The following SHPRH variants were observed in gnomAD, a reference collection of about 807,000 sequenced individuals.
SHPRH encodes the protein E3 ubiquitin-protein ligase SHPRH.
SHPRH carries 106 observed loss-of-function variants against 202.5 expected under a neutral mutation model. That is an observed-to-expected ratio of 0.52 (90% CI 0.45 to 0.62). The LOEUF (loss-of-function observed/expected upper bound fraction) is 0.62, where lower values mean the gene tolerates loss of function less well. Among genes scored for constraint, SHPRH ranks in the 20% least tolerant of loss-of-function variants. The probability of loss-of-function intolerance (pLI) is 0.00; values close to 1 mark genes in which losing one functional copy is unlikely to be tolerated. For missense variants in SHPRH, 1,710 were observed against 2,020.0 expected (o/e 0.85, Z 2.94); for synonymous variants, 729 against 686.0 (o/e 1.06, Z -0.98).
At chr6:145,932,510 TGTGTGTGTGTGGGAGG>T (rs2128764063) in intron 14 of SHPRH, among the ~76,000 whole-genome samples, 1 of 151,822 alleles carries the variant, frequency 6.6e-6, no homozygotes, top group Non-Finnish European at 1.5e-5. Context: ...ATACGTTCTG[TGTGTGTGTGTGGGAGG>T]GTGTGTGTGT....
chr6:145,866,093 A>C (rs1779768717), intron 2 of SHPRH, among the ~76,000 whole-genome samples: 1 of 152,262 alleles, frequency 6.6e-6, no homozygotes, highest in Non-Finnish European at 1.5e-5. Flanking sequence ...GTGCACCACA[A>C]GCTCTATTGA....
At chr6:145,954,459 G>A (rs1257779690) in intron 2 of SHPRH, among the ~76,000 whole-genome samples, 4 of 152,124 alleles carry the variant, frequency 2.6e-5, no homozygotes, top group Non-Finnish European at 2.9e-5. Context: ...AACTGATGAT[G>A]AGGACCAAAA....
chr6:145,934,709 CA>C (rs1218398874), intron 13 of SHPRH, among the ~76,000 whole-genome samples, 197 bp downstream of exon 13: 1 of 151,402 alleles, frequency 6.6e-6, no homozygotes, highest in Admixed American at 6.6e-5. Flanking sequence ...ATACCCACTG[CA>C]AAAGAGAAAT....
intron 28 of SHPRH, among the ~76,000 whole-genome samples, chr6:145,891,950 T>A (rs1214699921): frequency 6.6e-6 from 1 of 152,188 alleles, no homozygotes; most frequent in Non-Finnish European, 1.5e-5. Context: ...ATGACTGCAT[T>A]TTAAATGCCA....
intron 20 of SHPRH, 86 bp downstream of exon 20, chr6:145,922,200 G>A (rs201041703): frequency 5.3e-6 from 6 of 1,142,348 alleles, no homozygotes; most frequent in Non-Finnish European, 7.5e-6. Context: ...GGTTACTGTG[G>A]GGGAAAACAT....
In SHPRH at chr6:145,952,345, T is replaced by C; in HGVS notation, c.763+4A>G. The stretch of plus-strand genomic sequence containing the variant: ...GCAATTTTTAAGTTTACTGTAAATA[T>C]TACCTGGAATAATAGAATTGTGTAA... On this transcript the variant is annotated splice_donor_region_variant and intron_variant, in intron 3 of 29. Coordinates refer to ENST00000275233, the MANE Select transcript of SHPRH (RefSeq NM_001042683.3). 1 of 1,589,160 alleles carries C rather than the reference T, an allele frequency of 6.3e-7. No homozygotes were observed. Among genetic ancestry groups the C allele is most frequent in the South Asian group, 1.2e-5 (1 of 85,342 alleles).
In SHPRH at chr6:145,923,730, G is replaced by A; in HGVS notation, c.3458C>T (p.Thr1153Ile). 2.5e-6 allele frequency: 4 copies of A among 1,611,878 alleles called. No individual in the cohort carries two copies. The highest frequency in any genetic ancestry group is 3.4e-6 in the Non-Finnish European group (4 of 1,178,680). Residue 1153 changes from threonine to isoleucine, a missense_variant, in exon 18 of 30, where the codon ACT becomes ATT. Thr to Ile is a moderately conservative substitution (Grantham distance 89, BLOSUM62 -1). Transcript: ENST00000275233. ...TCGCTGAACTAGCTCCTCATCAATA[G>A]TAAATTCTATTGCTCTGTGGATCAC... ...LNVIHRAIEF[T>I]IDEELVQRVR...
intron 24 of SHPRH, among the ~76,000 whole-genome samples, chr6:145,912,089 A>C (rs1277733526): frequency 6.7e-6 from 1 of 149,154 alleles, no homozygotes; most frequent in East Asian, 1.9e-4. Flanking sequence ...AATGGAGAAG[A>C]AGCAACGAGA....
chr6:145,906,381 A>G (rs1252195298), intron 25 of SHPRH: 1 of 152,100 alleles, frequency 6.6e-6, no homozygotes, highest in East Asian at 1.9e-4. Flanking sequence ...CTACAGTCAC[A>G]TCTGGCAGGC....
At chr6:145,874,491 G>A (rs1393344889) in intron 2 of SHPRH, among the ~76,000 whole-genome samples, 1 of 151,776 alleles carries the variant, frequency 6.6e-6, no homozygotes, top group Non-Finnish European at 1.5e-5. Flanking sequence ...GCTTTATTAA[G>A]GTATAATTGA....
chr6:145,906,571 A>G (rs750832714), intron 25 of SHPRH: 5 of 151,968 alleles, frequency 3.3e-5, no homozygotes, highest in South Asian at 2.1e-4. Context: ...CCTTTCTCCT[A>G]TATCTTCAGT....
intron 28 of SHPRH, among the ~76,000 whole-genome samples, chr6:145,890,343 G>A (rs552684121): frequency 2.0e-5 from 3 of 152,272 alleles, no homozygotes; most frequent in African/African-American, 7.2e-5. Context: ...CAAAACTAAA[G>A]TCAGGCTGTC....
chr6:145,872,114 AC>A (rs1780084104), intron 2 of SHPRH, among the ~76,000 whole-genome samples: 1 of 152,196 alleles, frequency 6.6e-6, no homozygotes, highest in Non-Finnish European at 1.5e-5. Context: ...CCTGGGCAAT[AC>A]CATTTAGGAT....
chr6:145,925,038 T>G (rs904149020), intron 16 of SHPRH, among the ~76,000 whole-genome samples, 192 bp from the exon 17 acceptor site: 3 of 151,844 alleles, frequency 2.0e-5, no homozygotes, highest in Non-Finnish European at 4.4e-5. Flanking sequence ...TAACAAAATT[T>G]ACTTGTCCAA....
chr6:145,864,943 TCA>T (rs71552940), intron 2 of SHPRH, among the ~76,000 whole-genome samples: 2,279 of 102,536 alleles, frequency 0.022, 30 homozygotes, highest in Middle Eastern at 0.049. Flanking sequence ...ACACACACAC[TCA>T]CACACACACA....
chr6:145,921,436 A>T, intron 20 of SHPRH, 44 bp from the exon 21 acceptor site: 1 of 1,560,274 alleles, frequency 6.4e-7, no homozygotes, highest in Non-Finnish European at 8.8e-7. Context: ...GGTATCAGTG[A>T]GTGAAAAGCA....
At chr6:145,914,277 A>G (rs995735375) in intron 23 of SHPRH, among the ~76,000 whole-genome samples, 1 of 152,090 alleles carries the variant, frequency 6.6e-6, no homozygotes, top group Non-Finnish European at 1.5e-5. Flanking sequence ...CAAGAAAGTA[A>G]ACTAGGCTTT....
At chr6:145,881,956 T>C (rs189669665), downstream of SHPRH, among the ~76,000 whole-genome samples, 75 of 151,858 alleles carry the variant, frequency 4.9e-4, no homozygotes, top group African/African-American at 1.7e-3. Context: ...ATTAACCAGG[T>C]GTGGTGGTGC....
chr6:145,907,670 T>C (rs907535140), intron 25 of SHPRH: 1 of 152,142 alleles, frequency 6.6e-6, no homozygotes, highest in African/African-American at 2.4e-5. Flanking sequence ...GGTTTTCTTT[T>C]TCTCTGTCTG....
Sources: allele counts gnomAD v4.1 joint callset (sites outside exome capture counted in the v4.1 genomes callset), GRCh38; gene constraint gnomAD v4.1.1; transcripts MANE v1.5; gene names NCBI Gene and HGNC (gene_info 2026-07-23, HGNC 2026-07-21).